OSBPL5: variants seen among roughly 807,000 people sequenced by gnomAD.
OSBPL5 encodes the protein oxysterol binding protein like 5.
A neutral mutation model predicts 111.2 loss-of-function variants in OSBPL5; 71 were observed. That is an observed-to-expected ratio of 0.64 (90% CI 0.53 to 0.78). The LOEUF is 0.78. Among genes scored for constraint, OSBPL5 ranks in the 30% least tolerant of loss-of-function variants. OSBPL5 has a pLI of 0.00. For missense variants in OSBPL5, 1,210 were observed against 1,189.3 expected, an observed-to-expected ratio of 1.02 and a Z score of -0.26; for synonymous variants, 549 against 513.9, an observed-to-expected ratio of 1.07 and a Z score of -0.93.
At chr11:3,117,559 A>T (rs1377483088) in intron 7 of OSBPL5, among the ~76,000 whole-genome samples, 4 of 152,242 alleles carry the variant, frequency 2.6e-5, no homozygotes, top group African/African-American at 9.6e-5. Flanking sequence ...GTCCTACCAT[A>T]ATTTGTCCTT....
rs576938683 is a variant in OSBPL5, at chr11:3,142,602, C to T, written c.-21-13433G>A. Among the ~76,000 whole-genome samples, 6 of 152,324 alleles carry T rather than the reference C, an allele frequency of 3.9e-5. No individual in the cohort carries two copies. The highest frequency in any genetic ancestry group is 2.1e-4 in the South Asian group (1 of 4,826). The stretch of plus-strand genomic sequence containing the variant: ...TCCATCCTACAGGTCTGAGAGTCAC[C>T]GTCTCGCGGGTGGAGAGCCTGGGTG... On this transcript the variant is annotated intron_variant, in intron 1 of 21. Transcript: ENST00000263650. The surrounding 1 kb of genome is among the most constrained non-coding windows in gnomAD (Gnocchi z 7.1).
intron 14 of OSBPL5, among the ~76,000 whole-genome samples, chr11:3,098,662 T>C (rs2134400017): frequency 6.6e-6 from 1 of 152,028 alleles, no homozygotes; most frequent in South Asian, 2.1e-4. Context: ...TGCATCACCA[T>C]GTCTGGCTAA....
intron 1 of OSBPL5, among the ~76,000 whole-genome samples, chr11:3,133,220 G>A (rs1024094653): frequency 2.0e-5 from 3 of 152,262 alleles, no homozygotes; most frequent in African/African-American, 7.2e-5. Flanking sequence ...GGTGCTGGTA[G>A]GACTTTCATC....
rs1846953612 is a variant in OSBPL5, at chr11:3,161,137, T to A, written c.-22+4079A>T. The A allele has an allele frequency of 6.6e-6, 1 of 152,216 alleles. No homozygotes were observed. Among genetic ancestry groups the A allele is most frequent in the Non-Finnish European group, 1.5e-5 (1 of 68,040 alleles). The allele number at this position is 152,216 out of a possible 1,614,324, so 9.4% of individuals were successfully genotyped here. ...TCTCCTCCCTGTTTTCCACTTAAAATCCCTAAGAATGTACATATTTAGAAG... is the reference window on the plus strand; with the variant it reads ...TCTCCTCCCTGTTTTCCACTTAAAAACCCTAAGAATGTACATATTTAGAAG... On this transcript the variant is annotated intron_variant, in intron 1 of 21. Coordinates refer to ENST00000263650, the MANE Select transcript of OSBPL5 (RefSeq NM_020896.4). The surrounding 1 kb of genome is among the most constrained non-coding windows in gnomAD (Gnocchi z 8.0).
chr11:3,137,051 T>C (rs1197491528), intron 1 of OSBPL5, among the ~76,000 whole-genome samples: 1 of 152,152 alleles, frequency 6.6e-6, no homozygotes, highest in Non-Finnish European at 1.5e-5. Context: ...AGCCATCAGT[T>C]AAAGGACAGC....
rs929776607 is a variant in OSBPL5, at chr11:3,154,328, A to T, written c.-22+10888T>A. Among the ~76,000 whole-genome samples the T allele has an allele frequency of 6.6e-6, 1 of 152,192 alleles. No individual in the cohort carries two copies. The stretch of plus-strand genomic sequence containing the variant: ...TTGCTGACCCCAAACATGCCGAGTC[A>T]CCCACATCCTGGCCTCCCCGCCCAC... On this transcript the variant is annotated intron_variant, in intron 1 of 21. Transcript: ENST00000263650. The surrounding 1 kb of genome is among the most constrained non-coding windows in gnomAD (Gnocchi z 4.9).
rs1344601515 is a variant in OSBPL5 at position 3,104,811 on chromosome 11, G to A, written c.1060-434C>T. Among the ~76,000 whole-genome samples the A allele has an allele frequency of 1.3e-5, 2 of 152,206 alleles. No individual in the cohort carries two copies. The highest frequency in any genetic ancestry group is 4.8e-5 in the African/African-American group (2 of 41,442). On this transcript the variant is annotated intron_variant, in intron 9 of 21. Coordinates refer to ENST00000263650, the MANE Select transcript of OSBPL5 (RefSeq NM_020896.4). This position sits in a 1 kb window ranked among gnomAD's most constrained non-coding sequence, Gnocchi z 5.0. Reference sequence around the variant, plus strand: ...CCTGCTCTTCCATTTTTTAAAAAAGGTTATTGTAACATTTCTTTTTCTGTT... The same window carrying A: ...CCTGCTCTTCCATTTTTTAAAAAAGATTATTGTAACATTTCTTTTTCTGTT...
In OSBPL5 at chr11:3,161,180, T is replaced by C. The variant is rs1846954809; in HGVS notation, c.-22+4036A>G. On this transcript the variant is annotated intron_variant, in intron 1 of 21. Transcript: ENST00000263650. This position sits in a 1 kb window ranked among gnomAD's most constrained non-coding sequence, Gnocchi z 8.0. ...TTTAGAAGGAATACTGTTCAGTTGT[T>C]GAGCCTCAACTTTCCCCTTCATCCT... 2 of 152,244 alleles carry C rather than the reference T, an allele frequency of 1.3e-5. No homozygotes were observed. The highest frequency in any genetic ancestry group is 4.8e-5 in the African/African-American group (2 of 41,460). The allele number at this position is 152,244 out of a possible 1,614,324, so 9.4% of individuals were successfully genotyped here.
At chr11:3,093,338 C>T in intron 17 of OSBPL5, 189 bp downstream of exon 17, 3 of 985,478 alleles carry the variant, frequency 3.0e-6, no homozygotes, top group Non-Finnish European at 4.4e-6. Flanking sequence ...GGCTCCTCTC[C>T]AGGCCACACC....
At chr11:3,125,028 C>T in intron 3 of OSBPL5, among the ~76,000 whole-genome samples, 1 of 152,194 alleles carries the variant, frequency 6.6e-6, no homozygotes, top group East Asian at 1.9e-4. Flanking sequence ...CCCTGCAGCC[C>T]CAGCACTGCA....
rs1856992297 is a variant in OSBPL5, at chr11:3,089,740, A to T, written c.2501+106T>A. On this transcript the variant is annotated intron_variant, in intron 21 of 21. Transcript: ENST00000263650. ...TCTTGTGGGTTCCAGCTCCGATGAC[A>T]ACCCCAGCCGCGGCCTCCTGGCCTC... is the stretch of plus-strand genomic sequence containing the variant. The T allele has an allele frequency of 5.8e-6, 6 of 1,038,426 alleles. No homozygotes were observed. The East Asian group carries it at 1.3e-4, about 23-fold the overall frequency. The allele number at this position is 1,038,426 out of a possible 1,614,324, so 64.3% of individuals were successfully genotyped here. A position where few individuals can be genotyped will look rare whatever the true frequency, so the allele number is the denominator to read the frequency against.
In OSBPL5 at chr11:3,092,518, C is replaced by A; in HGVS notation, c.2173G>T (p.Glu725Ter). Residue 725 changes from glutamate to a stop codon, truncating the protein, a stop_gained, in exon 19 of 22, where the codon GAG becomes TAG. Transcript: ENST00000263650. LOFTEE classifies it high-confidence loss of function. This position sits in a 1 kb window ranked among gnomAD's most constrained non-coding sequence, Gnocchi z 5.4. Reference protein sequence around the residue: ...WDPLKDIAQFEQDGILRTLQQ... With the variant: ...WDPLKDIAQF ...AAGGTCCGCAGGATCCCGTCTTGCT[C>A]AAACTGGGCGATGTCCTTCAGGGGG... The A allele has an allele frequency of 6.3e-7, 1 of 1,587,222 alleles. No homozygotes were observed.
rs1381187537 is a variant in OSBPL5, at chr11:3,106,055, G to A, written c.1059+1208C>T. The stretch of plus-strand genomic sequence containing the variant: ...GCCGGTGGCTTCCCCAATACTCTCA[G>A]CCTGAGGCCCCCAGGGCCCTCGGTC... On this transcript the variant is annotated intron_variant, in intron 9 of 21. Coordinates refer to ENST00000263650, the MANE Select transcript of OSBPL5 (RefSeq NM_020896.4). The surrounding 1 kb of genome is among the most constrained non-coding windows in gnomAD (Gnocchi z 8.4). 1.3e-5 allele frequency among the ~76,000 whole-genome samples: 2 copies of A among 151,944 alleles called. No individual in the cohort carries two copies. Among genetic ancestry groups the A allele is most frequent in the Non-Finnish European group, 2.9e-5 (2 of 67,968 alleles).
Position 3,104,375 on chromosome 11 carries a change from C to T in OSBPL5, c.1062G>A (p.Leu354=). ...VEQVQEELGE[L]GEASQVETVS... The stretch of plus-strand genomic sequence containing the variant: ...CTGTCTCCACCTGGGACGCCTCGCC[C>T]AGCTGCAGCAGACAGGCTGCAGTCA... Residue 354 remains leucine, a splice_region_variant and synonymous_variant, in exon 10 of 22, where the codon CTG becomes CTA. Coordinates refer to ENST00000263650, the MANE Select transcript of OSBPL5 (RefSeq NM_020896.4). The surrounding 1 kb of genome is among the most constrained non-coding windows in gnomAD (Gnocchi z 5.0). 6.2e-7 allele frequency: 1 copy of T among 1,608,312 alleles called. No individual in the cohort carries two copies. Among genetic ancestry groups the T allele is most frequent in the Non-Finnish European group, 8.5e-7 (1 of 1,179,572 alleles).
chr11:3,090,002 T>A, intron 20 of OSBPL5, 54 bp from the exon 21 acceptor site: 2 of 1,400,920 alleles, frequency 1.4e-6, no homozygotes, highest in Non-Finnish European at 1.9e-6. Context: ...GAGGATGAGC[T>A]GGAGGTCCAG....
intron 20 of OSBPL5, 86 bp downstream of exon 20, chr11:3,090,472 G>A (rs1193207807): frequency 2.6e-6 from 4 of 1,529,932 alleles, no homozygotes; most frequent in Non-Finnish European, 1.8e-6. Context: ...CTGGGCAGGT[G>A]CTTCTCTGGC....
rs916343202 is a variant in OSBPL5 at position 3,142,952 on chromosome 11, A to G, written c.-21-13783T>C. On this transcript the variant is annotated intron_variant, in intron 1 of 21. Transcript: ENST00000263650. This position sits in a 1 kb window ranked among gnomAD's most constrained non-coding sequence, Gnocchi z 7.1. ...TGAGCAGAGACCCTTGGGACCCAGC[A>G]TCTGGGTCTGGACGGTCCTGGAGCC... 2.1e-5 allele frequency among the ~76,000 whole-genome samples: 3 copies of G among 142,984 alleles called. No homozygotes were observed. The highest frequency in any genetic ancestry group is 7.8e-5 in the African/African-American group (3 of 38,638). 93.8% of individuals were successfully genotyped at this position (142,984 alleles called of 152,430 possible).
At position 3,107,591 on chromosome 11, in the gene OSBPL5, A is replaced by G. The variant is rs1857750943; in HGVS notation, c.867-136T>C. 1 of 1,358,870 alleles carries G rather than the reference A, an allele frequency of 7.4e-7. No individual in the cohort carries two copies. Among genetic ancestry groups the G allele is most frequent in the Non-Finnish European group, 1.0e-6 (1 of 978,574 alleles). 84.2% of individuals were successfully genotyped at this position (1,358,870 alleles called of 1,614,324 possible). A position where few individuals can be genotyped will look rare whatever the true frequency, so the allele number is the denominator to read the frequency against. On this transcript the variant is annotated intron_variant, in intron 8 of 21. Transcript: ENST00000263650. The surrounding 1 kb of genome is among the most constrained non-coding windows in gnomAD (Gnocchi z 6.1). ...GTCACCTCCACAACCCACATTTGAC[A>G]CGATCAGCCCCGTTTTAGAGGAAGG...
intron 7 of OSBPL5, among the ~76,000 whole-genome samples, chr11:3,112,468 GT>G (rs774024122): frequency 1.4e-4 from 17 of 117,652 alleles, no homozygotes; most frequent in South Asian, 7.4e-4. Flanking sequence ...CCTGTTTTGT[GT>G]TTTCTTTTCT....
Sources: gnomAD v4.1 joint callset for allele counts (sites outside exome capture counted in the v4.1 genomes callset) on GRCh38, gnomAD v4.1.1 for gene constraint, Gnocchi (gnomAD v3.1) non-coding constraint, MANE v1.5 for transcripts, NCBI Gene and HGNC (gene_info 2026-07-23, HGNC 2026-07-21) for gene names.